MYOM2: variants seen among roughly 807,000 people sequenced by gnomAD.
The protein encoded by MYOM2 is myomesin-2.
A neutral mutation model predicts 187.6 loss-of-function variants in MYOM2; 254 were observed. That is an observed-to-expected ratio of 1.35 (90% CI 1.22 to 1.50). The LOEUF is 1.50. MYOM2 is among the 40% of genes most tolerant of loss of function. The pLI is 0.00. For missense variants in MYOM2, 2,796 were observed against 1,924.0 expected, an observed-to-expected ratio of 1.45 and a Z score of -8.48; for synonymous variants, 981 against 753.8, an observed-to-expected ratio of 1.30 and a Z score of -4.94.
chr8:2,052,901 A>G (rs142363136), intron 3 of MYOM2, among the ~76,000 whole-genome samples: 136 of 152,344 alleles, frequency 8.9e-4, no homozygotes, highest in Non-Finnish European at 1.6e-3. Flanking sequence ...ATTTCAACAG[A>G]GGCAGCTCGT....
intron 13 of MYOM2, among the ~76,000 whole-genome samples, chr8:2,084,425 C>A (rs1320701686): frequency 6.6e-6 from 1 of 152,176 alleles, no homozygotes; most frequent in Non-Finnish European, 1.5e-5. Context: ...TTGAGAATGG[C>A]TCAGAGATGT....
chr8:2,106,211 A>G (rs1233241594), intron 21 of MYOM2, 31 bp from the exon 22 acceptor site: 5 of 1,608,730 alleles, frequency 3.1e-6, no homozygotes, highest in Non-Finnish European at 4.2e-6. Context: ...CCGTGTCCCT[A>G]AGCCGCTCAC....
In MYOM2 at chr8:2,140,743, G is replaced by A; in HGVS notation, c.3821G>A (p.Ser1274Asn). 1 of 1,614,046 alleles carries A rather than the reference G, an allele frequency of 6.2e-7. No individual in the cohort carries two copies. The highest frequency in any genetic ancestry group is 1.1e-5 in the South Asian group (1 of 91,056). ...WCHKDAKISSSEHMRIGGSEE... is the reference protein window; with the variant it reads ...WCHKDAKISSNEHMRIGGSEE... ...TCAAGAGATGCTAAGATCTCATCCA[G>A]TGAGCATATGAGAATCGGGGGGAGT... The change falls in exon 33 of 37, where the codon AGT (serine) becomes AAT (asparagine). Residue 1274 changes from serine to asparagine, a missense_variant. Ser to Asn is a conservative substitution (Grantham distance 46). Coordinates refer to ENST00000262113, the MANE Select transcript of MYOM2 (RefSeq NM_003970.4).
chr8:2,107,736 T>C (rs956233669), intron 23 of MYOM2, among the ~76,000 whole-genome samples: 3 of 152,144 alleles, frequency 2.0e-5, no homozygotes, highest in African/African-American at 7.2e-5. Flanking sequence ...CCAAAATCCA[T>C]TTGCATGCTT....
intron 32 of MYOM2, among the ~76,000 whole-genome samples, chr8:2,131,039 C>T (rs555711436): frequency 6.6e-6 from 1 of 152,160 alleles, no homozygotes; most frequent in Non-Finnish European, 1.5e-5. Flanking sequence ...AAAGGCCACC[C>T]CCCTCTTCAG....
At chr8:2,119,974 G>A (rs1365800596) in intron 28 of MYOM2, among the ~76,000 whole-genome samples, 1 of 152,212 alleles carries the variant, frequency 6.6e-6, no homozygotes, top group Non-Finnish European at 1.5e-5. Context: ...GGGTTGGAGG[G>A]TGTTGAAGAT....
chr8:2,079,398 C>G (rs1460089214), intron 12 of MYOM2, among the ~76,000 whole-genome samples, 162 bp from the exon 13 acceptor site: 1 of 152,018 alleles, frequency 6.6e-6, no homozygotes, highest in East Asian at 1.9e-4. Context: ...GAAGTGCTAA[C>G]TGTTACCAGG....
chr8:2,070,136 T>C (rs979373520), intron 8 of MYOM2, among the ~76,000 whole-genome samples: 2 of 152,194 alleles, frequency 1.3e-5, no homozygotes, highest in African/African-American at 4.8e-5. Context: ...GCGGTCCCCA[T>C]GAGGGCATCT....
chr8:2,115,044 A>T (rs1797192384), intron 25 of MYOM2, among the ~76,000 whole-genome samples: 2 of 144,386 alleles, frequency 1.4e-5, no homozygotes, highest in African/African-American at 5.3e-5. Context: ...AGGTTTCATT[A>T]GAATTAGAGT....
At chr8:2,139,555 G>C (rs1798203334) in intron 32 of MYOM2, among the ~76,000 whole-genome samples, 1 of 152,172 alleles carries the variant, frequency 6.6e-6, no homozygotes, top group South Asian at 2.1e-4. Flanking sequence ...TGGAACATAG[G>C]CATTCTTGGT....
At chr8:2,048,298 C>A (rs569292101) in intron 1 of MYOM2, among the ~76,000 whole-genome samples, 3 of 152,344 alleles carry the variant, frequency 2.0e-5, no homozygotes, top group Admixed American at 6.5e-5. Context: ...TCTTCCCCAA[C>A]CTTGGTCCAA....
In MYOM2 at chr8:2,090,209, G is replaced by GTGGCCC; in HGVS notation, c.1828+19_1828+24dup. ...TGTGACCGGTGAGCTGTCACACTGG[G>GTGGCCC]TGGCCCCAAGTCAGGATGGACTAAG... On this transcript the variant is annotated intron_variant, in intron 15 of 36. Transcript: ENST00000262113. 1 of 1,606,466 alleles carries GTGGCCC rather than the reference G, an allele frequency of 6.2e-7. No homozygotes were observed. The highest frequency in any genetic ancestry group is 8.5e-7 in the Non-Finnish European group (1 of 1,174,190).
intron 14 of MYOM2, among the ~76,000 whole-genome samples, 156 bp downstream of exon 14, chr8:2,085,546 C>CCT (rs1189883793): frequency 0.013 from 511 of 40,680 alleles, 55 homozygotes; most frequent in Middle Eastern, 0.029. Context: ...TGCGTGGCCC[C>CCT]ACTGTCATGA....
chr8:2,051,489 C>T (rs1193592002), intron 2 of MYOM2, among the ~76,000 whole-genome samples: 1 of 152,178 alleles, frequency 6.6e-6, no homozygotes, highest in African/African-American at 2.4e-5. Flanking sequence ...GAGGGAGGGA[C>T]CGCGGGCAGG....
At position 2,056,107 on chromosome 8, in the gene MYOM2, A is replaced by G. The variant is rs563135584; in HGVS notation, c.264-1241A>G. Reference sequence around the variant, plus strand: ...GGAATACAGAGGTGAGAAGTAGCCAATCCTTTCTCCTGGGAAGGATAAAAT... The same window carrying G: ...GGAATACAGAGGTGAGAAGTAGCCAGTCCTTTCTCCTGGGAAGGATAAAAT... On this transcript the variant is annotated intron_variant, in intron 3 of 36. Transcript: ENST00000262113. Among the ~76,000 whole-genome samples, 6 of 152,334 alleles carry G rather than the reference A, an allele frequency of 3.9e-5. No homozygotes were observed. The South Asian group carries it at 1.2e-3, about 32-fold the overall frequency.
intron 9 of MYOM2, among the ~76,000 whole-genome samples, chr8:2,072,747 C>T (rs2294059): frequency 2.0e-5 from 3 of 151,736 alleles, no homozygotes; most frequent in Non-Finnish European, 4.4e-5. Flanking sequence ...ACTGAGCGCT[C>T]GTACAGTGAC....
chr8:2,048,724 C>T (rs554059116), intron 1 of MYOM2, among the ~76,000 whole-genome samples: 4 of 152,188 alleles, frequency 2.6e-5, no homozygotes, highest in African/African-American at 9.6e-5. Flanking sequence ...ATACTGCCTT[C>T]AATATCAGGG....
intron 34 of MYOM2, among the ~76,000 whole-genome samples, chr8:2,141,910 C>G (rs924867170): frequency 2.6e-5 from 4 of 152,154 alleles, no homozygotes; most frequent in East Asian, 1.9e-4. Flanking sequence ...TCGGGGTTTT[C>G]AAATGCACCA....
chr8:2,057,112 A>G (rs1406989253), intron 3 of MYOM2, among the ~76,000 whole-genome samples: 1 of 152,140 alleles, frequency 6.6e-6, no homozygotes, highest in Non-Finnish European at 1.5e-5. Flanking sequence ...GTATTTTTTT[A>G]TTAATAAATC....
Sources: gnomAD v4.1 joint callset for allele counts (sites outside exome capture counted in the v4.1 genomes callset) on GRCh38, gnomAD v4.1.1 for gene constraint, MANE v1.5 for transcripts, NCBI Gene and HGNC (gene_info 2026-07-23, HGNC 2026-07-21) for gene names.